Variants in BMPR1A observed in about 807,000 individuals in gnomAD.
BMPR1A encodes the protein bone morphogenetic protein receptor type 1A, also known as bone morphogenetic protein receptor type-1A.
In BMPR1A, 7 loss-of-function variants were observed where a neutral mutation model predicts 66.0. The observed-to-expected ratio is 0.11, with a 90% confidence interval of 0.06 to 0.20. The LOEUF (loss-of-function observed/expected upper bound fraction) is 0.20. Ranked by LOEUF, BMPR1A falls within the 10% of genes least tolerant of loss-of-function variation. The probability of loss-of-function intolerance (pLI) is 1.00; values close to 1 mark genes in which losing one functional copy is unlikely to be tolerated. For missense variants in BMPR1A, 408 were observed against 669.1 expected, an observed-to-expected ratio of 0.61 and a Z score of 4.31; for synonymous variants, 200 against 229.7, an observed-to-expected ratio of 0.87 and a Z score of 1.17.
intron 2 of BMPR1A, 125 bp from the exon 3 acceptor site, chr10:86,875,742 T>G (rs1330114858): frequency 4.0e-6 from 2 of 495,994 alleles, no homozygotes; most frequent in South Asian, 2.5e-5. Context: ...CAAGGATACC[T>G]TTAATCTTTT....
intron 1 of BMPR1A, among the ~76,000 whole-genome samples, chr10:86,757,659 G>A (rs1006890813): frequency 6.6e-6 from 1 of 152,208 alleles, no homozygotes; most frequent in African/African-American, 2.4e-5. Context: ...TCAAACTCCT[G>A]CAGGTTTTCT....
intron 7 of BMPR1A, among the ~76,000 whole-genome samples, chr10:86,905,202 C>T (rs1017889060): frequency 6.6e-6 from 1 of 152,170 alleles, no homozygotes; most frequent in African/African-American, 2.4e-5. Flanking sequence ...ATCCTCAAAA[C>T]CTATACCTTC....
chr10:86,892,513 G>A (rs763573546), intron 5 of BMPR1A, among the ~76,000 whole-genome samples: 7 of 152,114 alleles, frequency 4.6e-5, no homozygotes, highest in Non-Finnish European at 8.8e-5. Context: ...TGCGATCTCC[G>A]CTCACTGCAA....
At chr10:86,816,535 C>T (rs1051044320) in intron 1 of BMPR1A, among the ~76,000 whole-genome samples, 9 of 152,160 alleles carry the variant, frequency 5.9e-5, no homozygotes, top group Non-Finnish European at 8.8e-5. Flanking sequence ...GAGTACACTA[C>T]AGATGGGGAT....
intron 1 of BMPR1A, among the ~76,000 whole-genome samples, chr10:86,802,156 A>T (rs1229887785): frequency 1.3e-5 from 2 of 152,026 alleles, no homozygotes; most frequent in African/African-American, 4.8e-5. Context: ...TCCTGTGCCA[A>T]ACTCTTAGCC....
intron 2 of BMPR1A, among the ~76,000 whole-genome samples, chr10:86,842,862 C>G (rs1842443385): frequency 6.6e-6 from 1 of 151,842 alleles, no homozygotes; most frequent in African/African-American, 2.4e-5. Flanking sequence ...GAGACGTATT[C>G]ACTACCAAGA....
At chr10:86,923,248 A>G in intron 11 of BMPR1A, 128 bp from the exon 12 acceptor site, 1 of 1,286,082 alleles carries the variant, frequency 7.8e-7, no homozygotes, top group Admixed American at 1.9e-5. Context: ...AGAGTGAATC[A>G]TAGTGTCTAT....
intron 1 of BMPR1A, among the ~76,000 whole-genome samples, chr10:86,798,587 A>G (rs368617717): frequency 6.6e-6 from 1 of 152,240 alleles, no homozygotes; most frequent in Admixed American, 6.5e-5. Flanking sequence ...CATATAAAAT[A>G]TGAGTAGAAC....
chr10:86,901,728 T>C (rs1843312890), intron 7 of BMPR1A, among the ~76,000 whole-genome samples: 1 of 152,222 alleles, frequency 6.6e-6, no homozygotes, highest in African/African-American at 2.4e-5. Flanking sequence ...AGTCCCTTTG[T>C]CAAATAACTG....
chr10:86,765,914 C>T (rs1285564013), intron 1 of BMPR1A, among the ~76,000 whole-genome samples: 3 of 151,316 alleles, frequency 2.0e-5, no homozygotes, highest in Non-Finnish European at 4.4e-5. Flanking sequence ...TACGATACAT[C>T]CTTATCTTTA....
At chr10:86,790,822 C>T (rs1412093117) in intron 1 of BMPR1A, among the ~76,000 whole-genome samples, 2 of 151,948 alleles carry the variant, frequency 1.3e-5, no homozygotes, top group East Asian at 1.9e-4. Flanking sequence ...GTGAATATGC[C>T]GATAGCTACT....
chr10:86,893,424 C>T (rs2133416712), intron 5 of BMPR1A, among the ~76,000 whole-genome samples: 1 of 152,326 alleles, frequency 6.6e-6, no homozygotes, highest in East Asian at 1.9e-4. Context: ...TGAAAACCAG[C>T]TCCAGATAGA....
chr10:86,766,797 A>G (rs1456695084), intron 1 of BMPR1A, among the ~76,000 whole-genome samples: 4 of 148,684 alleles, frequency 2.7e-5, no homozygotes, highest in East Asian at 2.0e-4. Context: ...TTTAGTGGAG[A>G]CGGGGTTTCA....
chr10:86,838,658 C>T (rs142762985), intron 1 of BMPR1A, among the ~76,000 whole-genome samples: 34 of 149,880 alleles, frequency 2.3e-4, no homozygotes, highest in African/African-American at 8.4e-4. Flanking sequence ...ACTGTTCCCA[C>T]AGAACTAACT....
At chr10:86,760,642 G>C (rs572608138) in intron 1 of BMPR1A, among the ~76,000 whole-genome samples, 6 of 152,250 alleles carry the variant, frequency 3.9e-5, no homozygotes, top group African/African-American at 1.2e-4. Context: ...AAAGGCTCCT[G>C]TCTAGCCTAA....
chr10:86,758,821 A>G (rs1257256945), intron 1 of BMPR1A, among the ~76,000 whole-genome samples: 1 of 152,036 alleles, frequency 6.6e-6, no homozygotes, highest in Non-Finnish European at 1.5e-5. Flanking sequence ...ACATTTAACT[A>G]CCTTTTTCTA....
chr10:86,905,728 C>T (rs1363822557), intron 7 of BMPR1A, among the ~76,000 whole-genome samples: 2 of 151,416 alleles, frequency 1.3e-5, no homozygotes, highest in Admixed American at 6.6e-5. Flanking sequence ...ACCCTTTATC[C>T]TCATTGTCTT....
At chr10:86,786,415 G>A (rs1278265886) in intron 1 of BMPR1A, among the ~76,000 whole-genome samples, 1 of 151,870 alleles carries the variant, frequency 6.6e-6, no homozygotes, top group Non-Finnish European at 1.5e-5. Context: ...TTCTTGCACT[G>A]CTCTTGCGAG....
At chr10:86,843,219 TTTCTC>T (rs964831857) in intron 2 of BMPR1A, among the ~76,000 whole-genome samples, 1 of 152,196 alleles carries the variant, frequency 6.6e-6, no homozygotes, top group African/African-American at 2.4e-5. Context: ...CGTCCTTCCT[TTTCTC>T]TACTCTCTTC....
Sources: allele counts gnomAD v4.1 joint callset (sites outside exome capture counted in the v4.1 genomes callset), GRCh38; gene constraint gnomAD v4.1.1; transcripts MANE v1.5; gene names NCBI Gene and HGNC (gene_info 2026-07-23, HGNC 2026-07-21).